The following RRAGB variants were observed in gnomAD, a reference collection of about 807,000 sequenced individuals.
RRAGB encodes the protein ras-related GTP-binding protein B.
A neutral mutation model predicts 29.3 loss-of-function variants in RRAGB; 6 were observed. The ratio of observed to expected loss-of-function variants is 0.21; its 90% CI spans 0.11 to 0.40. The LOEUF is 0.40. RRAGB is among the 10% of genes least tolerant of loss of function. RRAGB has a pLI of 1.00. For synonymous variants in RRAGB, 101 were observed against 92.5 expected, an observed-to-expected ratio of 1.09 and a Z score of -0.53; for missense variants, 184 against 272.9, an observed-to-expected ratio of 0.67 and a Z score of 2.29.
At chrX:55,747,331 G>T (rs752458233) in intron 5 of RRAGB, among the ~76,000 whole-genome samples, 1 of 112,512 alleles carries the variant, frequency 8.9e-6, no homozygotes, top group South Asian at 3.7e-4. Context: ...ATTAGCAGAT[G>T]CCCTGTGAGG....
At chrX:55,755,326 G>A (rs1027539926) in intron 7 of RRAGB, 22 of 752,931 alleles carry the variant, frequency 2.9e-5, no homozygotes, top group Non-Finnish European at 3.3e-5. Flanking sequence ...TTCAGCTGGT[G>A]TGGGTGTCCA....
intron 1 of RRAGB, among the ~76,000 whole-genome samples, chrX:55,718,652 G>T: frequency 8.9e-6 from 1 of 111,768 alleles, no homozygotes; most frequent in Non-Finnish European, 1.9e-5. Context: ...GGTGCTGGGG[G>T]AGTGTTCTAA....
chrX:55,758,398 A>G lies in RRAGB; in HGVS notation c.*55A>G. On this transcript the variant is annotated 3_prime_UTR_variant, in exon 10 of 10. Transcript: ENST00000374941. ...TTAAAAGTTTCCTAATTAATGTTGT[A>G]TTCATATATGTAGGCTCTGAAATGT... The G allele has an allele frequency of 1.2e-6, 1 of 814,591 alleles. No homozygotes were observed. Among genetic ancestry groups the G allele is most frequent in the Non-Finnish European group, 1.8e-6 (1 of 560,022 alleles). The allele number at this position is 814,591 out of a possible 1,213,427, so 67.1% of individuals were successfully genotyped here.
At chrX:55,752,665 A>G (rs2034555155) in intron 6 of RRAGB, among the ~76,000 whole-genome samples, 1 of 111,925 alleles carries the variant, frequency 8.9e-6, no homozygotes, top group Non-Finnish European at 1.9e-5. Flanking sequence ...ACCTTACCAG[A>G]CAAATTGGAG....
At chrX:55,755,733 A>G (rs1272192123) in intron 7 of RRAGB, 108 bp from the exon 8 acceptor site, 8 of 1,100,577 alleles carry the variant, frequency 7.3e-6, no homozygotes, top group Non-Finnish European at 9.6e-6. Flanking sequence ...TGCCAAGTCT[A>G]CCCTAAAAAC....
intron 5 of RRAGB, among the ~76,000 whole-genome samples, chrX:55,733,661 T>A (rs757185402): frequency 8.9e-6 from 1 of 112,693 alleles, no homozygotes; most frequent in East Asian, 2.8e-4. Context: ...GCCCACTTGA[T>A]CTTGGTGAAT....
Position 55,753,377 on chromosome X carries a change from TTTCTG to T in RRAGB, c.613-7_613-3del. The stretch of plus-strand genomic sequence containing the variant: ...TAGCTGTTAATAATAGTACACTGTG[TTTCTG>T]TTCTGTTAGGCTTGGTCCAGCATAG... On this transcript the variant is annotated splice_polypyrimidine_tract_variant and intron_variant, in intron 6 of 9. Transcript: ENST00000374941. 8.4e-7 allele frequency: 1 copy of T among 1,183,711 alleles called. No individual in the cohort carries two copies.
rs1188730367 is a variant in RRAGB, at chrX:55,755,969, G to GA, written c.827+43dup. ...AGTAGGAATGATCTGTTTATCTCTT[G>GA]AAAAAATTATTGTCATTTTTTAGAA... On this transcript the variant is annotated intron_variant, in intron 8 of 9. Transcript: ENST00000374941. 9 of 970,698 alleles carry GA rather than the reference G, an allele frequency of 9.3e-6. No homozygotes were observed. In the African/African-American group the frequency reaches 1.3e-4, roughly 14 times the overall value. 80.0% of individuals were successfully genotyped at this position (970,698 alleles called of 1,213,427 possible).
At position 55,732,248 on chromosome X, in the gene RRAGB, G is replaced by A. The variant is rs147696602; in HGVS notation, c.516+662G>A. ...CATTATAGAAAGACGTAGTAAAATG[G>A]GTAAACTCCTGCTTAGCTGTGAGAC... is the stretch of plus-strand genomic sequence containing the variant. On this transcript the variant is annotated intron_variant, in intron 5 of 9. Coordinates refer to ENST00000374941, the MANE Select transcript of RRAGB (RefSeq NM_006064.5). 9.9e-4 allele frequency among the ~76,000 whole-genome samples: 111 copies of A among 111,675 alleles called. 1 individual carries two copies. Among genetic ancestry groups the A allele is most frequent in the Non-Finnish European group, 1.8e-3 (97 of 53,065 alleles).
intron 6 of RRAGB, 94 bp from the exon 7 acceptor site, chrX:55,753,298 T>C: frequency 2.8e-6 from 2 of 718,264 alleles, no homozygotes; most frequent in Non-Finnish European, 4.0e-6. Flanking sequence ...ATCATCATAT[T>C]TTGCTGTCCA....
At position 55,717,768 on chromosome X, in the gene RRAGB, G is replaced by C. The variant is rs2033099944; in HGVS notation, c.-560G>C. ...TAAGGCAGATGCCCACGTGATCCTG[G>C]CCTGCAGTTGGGTGGCTGCGGTGAG... On this transcript the variant is annotated 5_prime_UTR_variant, in exon 1 of 10. Coordinates refer to ENST00000374941, the MANE Select transcript of RRAGB (RefSeq NM_006064.5). 1 of 113,118 alleles carries C rather than the reference G, an allele frequency of 8.8e-6. No homozygotes were observed. The highest frequency in any genetic ancestry group is 3.2e-5 in the African/African-American group (1 of 31,181). The allele number at this position is 113,118 out of a possible 1,213,427, so 9.3% of individuals were successfully genotyped here.
intron 4 of RRAGB, among the ~76,000 whole-genome samples, chrX:55,731,069 A>C (rs1033284184): frequency 2.7e-5 from 3 of 111,381 alleles, no homozygotes; most frequent in Admixed American, 9.6e-5. Flanking sequence ...CAGTGTGTTT[A>C]GAACATAAGG....
chrX:55,732,110 G>A (rs1416582121), intron 5 of RRAGB, among the ~76,000 whole-genome samples: 1 of 112,353 alleles, frequency 8.9e-6, no homozygotes. Flanking sequence ...CACAGTAGCG[G>A]TGATGTCACC....
intron 5 of RRAGB, among the ~76,000 whole-genome samples, chrX:55,747,213 G>A (rs12558932): frequency 0.51 from 57,122 of 111,144 alleles, 12,849 homozygotes; most frequent in East Asian, 0.74. Context: ...TGGCAAAGAA[G>A]ACTGAGAATT....
chrX:55,739,876 T>G (rs1396376747), intron 5 of RRAGB, among the ~76,000 whole-genome samples: 6 of 112,420 alleles, frequency 5.3e-5, no homozygotes, highest in Non-Finnish European at 9.4e-5. Flanking sequence ...ATATAAAGAT[T>G]TCCAAAGATA....
At chrX:55,730,713 C>A (rs983090549) in intron 4 of RRAGB, among the ~76,000 whole-genome samples, 1 of 111,511 alleles carries the variant, frequency 9.0e-6, no homozygotes, top group African/African-American at 3.3e-5. Context: ...ACTTAACACT[C>A]CATTAGAAGC....
chrX:55,755,955 T>A (rs1229412837), intron 8 of RRAGB, 23 bp downstream of exon 8: 1 of 1,026,176 alleles, frequency 9.7e-7, no homozygotes, highest in East Asian at 3.0e-5. Context: ...GTAGGAATGA[T>A]CTGTTTATCT....
At chrX:55,738,074 G>A (rs185153814) in intron 5 of RRAGB, among the ~76,000 whole-genome samples, 114 of 112,783 alleles carry the variant, frequency 1.0e-3, no homozygotes, top group Admixed American at 9.8e-3. Flanking sequence ...TCCTCTGTCC[G>A]CAGATTATTA....
chrX:55,739,444 G>A (rs1473234097), intron 5 of RRAGB, among the ~76,000 whole-genome samples: 1 of 112,149 alleles, frequency 8.9e-6, no homozygotes, highest in Non-Finnish European at 1.9e-5. Flanking sequence ...GGGGTTTCAG[G>A]GTACATGCAA....
Sources: gnomAD v4.1 joint callset for allele counts (sites outside exome capture counted in the v4.1 genomes callset) on GRCh38, gnomAD v4.1.1 for gene constraint, MANE v1.5 for transcripts, NCBI Gene and HGNC (gene_info 2026-07-23, HGNC 2026-07-21) for gene names.